The following LARGE2 variants were observed in gnomAD, a reference collection of about 807,000 sequenced individuals.
The protein encoded by LARGE2 is xylosyl- and glucuronyltransferase LARGE2.
A neutral mutation model predicts 75.3 loss-of-function variants in LARGE2; 63 were observed. That is an observed-to-expected ratio of 0.84 (90% CI 0.68 to 1.03). The LOEUF (loss-of-function observed/expected upper bound fraction) is 1.03. Among genes scored for constraint, LARGE2 ranks in the 50% least tolerant of loss-of-function variants. LARGE2 has a pLI of 0.00. For synonymous variants in LARGE2, 428 were observed against 420.1 expected, an observed-to-expected ratio of 1.02 and a Z score of -0.23; for missense variants, 925 against 980.6, an observed-to-expected ratio of 0.94 and a Z score of 0.76.
intron 11 of LARGE2, 122 bp downstream of exon 11, chr11:45,927,715 T>A: frequency 6.8e-7 from 1 of 1,471,046 alleles, no homozygotes; most frequent in South Asian, 1.2e-5. Flanking sequence ...TCAATTGGGG[T>A]TTGTATTAGG....
chr11:45,928,665 C>A lies in LARGE2; in HGVS notation c.1986C>A (p.Thr662=), dbSNP rs1467309043. The change falls in exon 14 of 14, where the codon ACC becomes ACA. Residue 662 remains threonine, a synonymous_variant. Transcript: ENST00000401752. The part of the protein sequence containing the change: ...YELLVLPEAF[T]IHLPHAPSLD... The stretch of plus-strand genomic sequence containing the variant: ...TCCTGGTGCTGCCCGAGGCCTTCAC[C>A]ATCCATCTGCCCCACGCTCCAAGCC... The A allele has an allele frequency of 6.2e-7, 1 of 1,614,012 alleles. No homozygotes were observed. The highest frequency in any genetic ancestry group is 1.3e-5 in the African/African-American group (1 of 74,926).
rs745725844 is a variant in LARGE2, at chr11:45,927,907, T to C, written c.1605-13T>C. 2 of 1,612,156 alleles carry C rather than the reference T, an allele frequency of 1.2e-6. No individual in the cohort carries two copies. The highest frequency in any genetic ancestry group is 2.2e-5 in the South Asian group (2 of 90,950). On this transcript the variant is annotated splice_polypyrimidine_tract_variant and intron_variant, in intron 11 of 13. Transcript: ENST00000401752. ...CCCGCTCTTCTCCCCTGCTCATGGG[T>C]GCTCCTCCTCAGGGCCTCCATTGAG...
At chr11:45,925,961 A>G in intron 6 of LARGE2, 78 bp from the exon 7 acceptor site, 1 of 1,244,812 alleles carries the variant, frequency 8.0e-7, no homozygotes, top group Non-Finnish European at 1.1e-6. Context: ...TCAAAAAACA[A>G]AGGACACCTT....
At chr11:45,926,630 T>C in intron 9 of LARGE2, 33 bp downstream of exon 9, 1 of 1,613,604 alleles carries the variant, frequency 6.2e-7, no homozygotes, top group Non-Finnish European at 8.5e-7. Flanking sequence ...TGCCCCTCTC[T>C]GCTTTGGTGG....
rs771057944 is a variant in LARGE2 at position 45,928,702 on chromosome 11, C to T, written c.2023C>T (p.Arg675Cys). ...CCACGCTCCAAGCCTGGACATCTCC[C>T]GCTTCCGCTCCAGCCCCACCTATCG... ...LPHAPSLDIS[R>C]FRSSPTYRDC... Residue 675 changes from arginine (R) to cysteine (C), a missense_variant, in exon 14 of 14, where the codon CGC becomes TGC. Arg to Cys is a radical substitution (Grantham distance 180, BLOSUM62 -3). Transcript: ENST00000401752. 1.5e-5 allele frequency: 25 copies of T among 1,614,036 alleles called. No homozygotes were observed. The highest frequency in any genetic ancestry group is 1.5e-5 in the Non-Finnish European group (18 of 1,180,038).
At chr11:45,926,644 C>T (rs762921502) in intron 9 of LARGE2, 47 bp downstream of exon 9, 8 of 1,612,640 alleles carry the variant, frequency 5.0e-6, no homozygotes, top group Non-Finnish European at 6.8e-6. Context: ...TTGGTGGGAC[C>T]CAGCCTTGTC....
rs764383861 is a variant in LARGE2, at chr11:45,926,823, C to A, written c.1277C>A (p.Pro426His). 2 of 1,613,342 alleles carry A rather than the reference C, an allele frequency of 1.2e-6. No individual in the cohort carries two copies. Among genetic ancestry groups the A allele is most frequent in the Non-Finnish European group, 1.7e-6 (2 of 1,179,988 alleles). Residue 426 changes from proline (P) to histidine (H), a missense_variant, in exon 10 of 14, where the codon CCC becomes CAC. Physicochemically the swap from Pro to His is moderately conservative, Grantham distance 77. Around this residue, in one of 3 missense-constraint regions of LARGE2, gnomAD observed 469 missense variants for 503.8 expected, o/e 0.93. Transcript: ENST00000401752. The part of the protein sequence containing the change: ...HVTFLPHEPP[P>H]PRPHDVTLVA... ...ACTTTCCTGCCCCATGAACCGCCAC[C>A]CCCCCGGCCTCACGATGTCACCCTT... is the stretch of plus-strand genomic sequence containing the variant.
At position 45,923,184 on chromosome 11, in the gene LARGE2, C is replaced by T. The variant is rs1392436929; in HGVS notation, c.285+17C>T. ...AAGTGCGAGGTAGGTGCGCGCGGCC[C>T]TGGCGGCGGGAGTCCTGGGGGCGCC... On this transcript the variant is annotated intron_variant, in intron 2 of 13. Coordinates refer to ENST00000401752, the MANE Select transcript of LARGE2 (RefSeq NM_001300721.2). The T allele has an allele frequency of 6.8e-6, 9 of 1,327,146 alleles. No homozygotes were observed. Among genetic ancestry groups the T allele is most frequent in the African/African-American group, 1.5e-5 (1 of 64,686 alleles). 82.2% of individuals were successfully genotyped at this position (1,327,146 alleles called of 1,614,324 possible). A position where few individuals can be genotyped will look rare whatever the true frequency, so the allele number is the denominator to read the frequency against.
At position 45,923,504 on chromosome 11, in the gene LARGE2, A is replaced by T. The variant is rs1187082082; in HGVS notation, c.317A>T (p.His106Leu). The T allele has an allele frequency of 3.7e-6, 6 of 1,613,842 alleles. No individual in the cohort carries two copies. The African/African-American group carries it at 6.7e-5, about 18-fold the overall frequency. Residue 106 changes from histidine (H) to leucine (L), a missense_variant, in exon 3 of 14, where the codon CAT becomes CTT. His to Leu is a moderately conservative substitution (Grantham distance 99, BLOSUM62 -3). This residue lies in a region of LARGE2 where 453 missense variants were observed against 460.2 expected (regional missense o/e 0.98). Transcript: ENST00000401752. ...LLHVAIVCAG[H>L]NSSRDVITLV... The stretch of plus-strand genomic sequence containing the variant: ...CATGTGGCCATCGTGTGTGCGGGGC[A>T]TAACTCCAGCCGAGACGTCATCACC...
chr11:45,923,232 A>T (rs1216321245), intron 2 of LARGE2, 65 bp downstream of exon 2: 2 of 1,313,632 alleles, frequency 1.5e-6, no homozygotes, highest in Non-Finnish European at 1.9e-6. Flanking sequence ...GGCCTCTTGG[A>T]CATCTGCGGG....
Position 45,922,904 on chromosome 11 carries a change from C to G in LARGE2, c.22C>G (p.Arg8Gly). The change falls in exon 2 of 14, where the codon CGG becomes GGG. Residue 8 changes from arginine (R) to glycine (G), a missense_variant. This residue lies in a region of LARGE2 where 453 missense variants were observed against 460.2 expected (regional missense o/e 0.98). Coordinates refer to ENST00000401752, the MANE Select transcript of LARGE2 (RefSeq NM_001300721.2). Reference protein sequence around the residue: MLPRGRPRALGAAALLLL... With the variant: MLPRGRPGALGAAALLLL... ...GGCCATGCTGCCCCGAGGGCGCCCC[C>G]GGGCGCTGGGGGCCGCCGCGCTGTT... 1 of 1,272,742 alleles carries G rather than the reference C, an allele frequency of 7.9e-7. No homozygotes were observed. The highest frequency in any genetic ancestry group is 2.9e-5 in the South Asian group (1 of 34,790). 78.8% of individuals were successfully genotyped at this position (1,272,742 alleles called of 1,614,324 possible). A position where few individuals can be genotyped will look rare whatever the true frequency, so the allele number is the denominator to read the frequency against.
chr11:45,925,883 AAAAC>A (rs1401329069), intron 6 of LARGE2, among the ~76,000 whole-genome samples, 152 bp from the exon 7 acceptor site: 4 of 152,188 alleles, frequency 2.6e-5, no homozygotes, highest in East Asian at 1.9e-4. Context: ...AAAACAAAAC[AAAAC>A]AAACAACAAC....
intron 13 of LARGE2, 117 bp from the exon 14 acceptor site, chr11:45,928,513 C>T (rs2087364630): frequency 2.6e-6 from 4 of 1,531,214 alleles, no homozygotes; most frequent in Non-Finnish European, 3.5e-6. Flanking sequence ...AATAATCTGC[C>T]CTTTGGCCCT....
At position 45,926,048 on chromosome 11, in the gene LARGE2, T is replaced by C. The variant is rs368372569; in HGVS notation, c.779T>C (p.Leu260Pro). 9.6e-6 allele frequency: 15 copies of C among 1,556,808 alleles called. No homozygotes were observed. Among genetic ancestry groups the C allele is most frequent in the Non-Finnish European group, 1.2e-5 (14 of 1,149,946 alleles). The change falls in exon 7 of 14, where the codon CTG becomes CCG. Residue 260 changes from leucine (L) to proline (P), a missense_variant. This residue lies in a region of LARGE2 where 453 missense variants were observed against 460.2 expected (regional missense o/e 0.98). Transcript: ENST00000401752. Reference protein sequence around the residue: ...LGRGFNTGVILLRLDRLRQAG... With the variant: ...LGRGFNTGVIPLRLDRLRQAG... The stretch of plus-strand genomic sequence containing the variant: ...ATCTCTTCATTGGCAGGTGTGATCC[T>C]GCTGCGGCTGGACCGGCTCCGGCAG...
intron 3 of LARGE2, 44 bp downstream of exon 3, chr11:45,923,599 G>C: frequency 6.4e-7 from 1 of 1,555,620 alleles, no homozygotes. Flanking sequence ...GTGGGGAAGG[G>C]ACAAAGCCCG....
chr11:45,925,579 C>T (rs929045839), intron 6 of LARGE2, among the ~76,000 whole-genome samples: 2 of 152,068 alleles, frequency 1.3e-5, no homozygotes, highest in African/African-American at 4.8e-5. Flanking sequence ...TCACTTGAAC[C>T]CAGGAAGCAG....
In LARGE2 at chr11:45,926,237, G is replaced by A; in HGVS notation, c.898G>A (p.Val300Met). 6.2e-7 allele frequency: 1 copy of A among 1,614,154 alleles called. No individual in the cohort carries two copies. The highest frequency in any genetic ancestry group is 1.1e-5 in the South Asian group (1 of 91,084). The change falls in exon 8 of 14, where the codon GTG becomes ATG. Residue 300 changes from valine (V) to methionine (M), a missense_variant. Transcript: ENST00000401752. Reference sequence around the variant, plus strand: ...CTCTGCTCAGGACATCTTCAACGCTGTGATCAAGGAGCACCCGGGGCTAGT... The same window carrying A: ...CTCTGCTCAGGACATCTTCAACGCTATGATCAAGGAGCACCCGGGGCTAGT... ...SLADQDIFNA[V>M]IKEHPGLVQR... is the part of the protein sequence containing the mutation.
rs756975031 is a variant in LARGE2 at position 45,927,540 on chromosome 11, CTTCCTCAGTGACATTGACTTCCT to C, written c.1552_1574del (p.Phe518AlafsTer14). 1 of 1,614,190 alleles carries C rather than the reference CTTCCTCAGTGACATTGACTTCCT, an allele frequency of 6.2e-7. No homozygotes were observed. The highest frequency in any genetic ancestry group is 1.7e-5 in the Admixed American group (1 of 60,030). On this transcript the variant is annotated frameshift_variant, in exon 11 of 14. Coordinates refer to ENST00000401752, the MANE Select transcript of LARGE2 (RefSeq NM_001300721.2). LOFTEE classifies it high-confidence loss of function. ...TGGCCCAGGCCCTCACGCCTTACGT[CTTCCTCAGTGACATTGACTTCCT>C]GCCTGCCTATTCTCTCTACGACTAC... is the stretch of plus-strand genomic sequence containing the variant.
At chr11:45,924,061 A>T in intron 3 of LARGE2, 93 bp from the exon 4 acceptor site, 2 of 1,301,990 alleles carry the variant, frequency 1.5e-6, no homozygotes, top group South Asian at 2.6e-5. Context: ...CTCTTTGCAG[A>T]TGGCGCTTCC....
Sources: allele counts gnomAD v4.1 joint callset (sites outside exome capture counted in the v4.1 genomes callset), GRCh38; gene constraint gnomAD v4.1.1; regional missense constraint gnomAD v4.1.1; transcripts MANE v1.5; gene names NCBI Gene and HGNC (gene_info 2026-07-23, HGNC 2026-07-21).